The following CNST variants were observed in gnomAD, a reference collection of about 807,000 sequenced individuals.
CNST encodes consortin.
Under a neutral mutation model 72.4 loss-of-function variants are expected in CNST, and 39 were observed. That is an observed-to-expected ratio of 0.54 (90% confidence interval 0.42 to 0.70). CNST has a LOEUF of 0.70. Ranked by LOEUF, CNST falls within the 30% of genes least tolerant of loss-of-function variation. The pLI is 0.00. For synonymous variants in CNST, 332 were observed against 320.1 expected (o/e 1.04, Z -0.40); for missense variants, 871 against 868.5 (o/e 1.00, Z -0.04).
At chr1:246,595,613 CT>C (rs1489551639) in intron 2 of CNST, among the ~76,000 whole-genome samples, 1 of 152,110 alleles carries the variant, frequency 6.6e-6, no homozygotes, top group African/African-American at 2.4e-5. Flanking sequence ...CAGACGTGTA[CT>C]TTTCTAATAA....
intron 1 of CNST, among the ~76,000 whole-genome samples, chr1:246,572,018 A>G (rs1660097461): frequency 6.6e-6 from 1 of 152,128 alleles, no homozygotes; most frequent in Non-Finnish European, 1.5e-5. Flanking sequence ...TCAGTGAATT[A>G]GGTGACTGTG....
intron 1 of CNST, among the ~76,000 whole-genome samples, chr1:246,577,694 C>T (rs1372105971): frequency 6.6e-6 from 1 of 152,016 alleles, no homozygotes; most frequent in East Asian, 1.9e-4. Flanking sequence ...GTGAGGTGAA[C>T]CTTTCAAGTA....
chr1:246,659,670 G>A (rs1346822920), intron 9 of CNST, among the ~76,000 whole-genome samples: 1 of 152,064 alleles, frequency 6.6e-6, no homozygotes, highest in Non-Finnish European at 1.5e-5. Flanking sequence ...GTGAGCAGTA[G>A]AGCATTATTT....
rs1052966687 is a variant in CNST, at chr1:246,667,757, T to A, written c.*1852T>A. The A allele has an allele frequency of 1.8e-4, 28 of 151,620 alleles. No individual in the cohort carries two copies. The highest frequency in any genetic ancestry group is 6.8e-4 in the African/African-American group (28 of 40,876). 9.4% of individuals were successfully genotyped at this position (151,620 alleles called of 1,614,324 possible). On this transcript the variant is annotated 3_prime_UTR_variant, in exon 11 of 11. Coordinates refer to ENST00000366513, the MANE Select transcript of CNST (RefSeq NM_152609.3). ...TGGACATCCTCATCATAGACAAACC[T>A]CCTCTGTTTTATCCTCAATTTCTAG... is the stretch of plus-strand genomic sequence containing the variant.
chr1:246,571,185 C>T (rs12744338), intron 1 of CNST, among the ~76,000 whole-genome samples: 55,451 of 152,088 alleles, frequency 0.36, 10,821 homozygotes, highest in East Asian at 0.66. Context: ...CTTGCTCTGT[C>T]GCCCAGGGTG....
intron 1 of CNST, among the ~76,000 whole-genome samples, chr1:246,577,193 T>A (rs549477971): frequency 1.3e-5 from 2 of 152,150 alleles, no homozygotes; most frequent in African/African-American, 4.8e-5. Context: ...ATTAAAAATG[T>A]TCTTCAGAAC....
chr1:246,665,839 G>A lies in CNST; in HGVS notation c.2112G>A (p.Met704Ile). Residue 704 changes from methionine to isoleucine, a missense_variant, in exon 11 of 11, where the codon ATG becomes ATA. Coordinates refer to ENST00000366513, the MANE Select transcript of CNST (RefSeq NM_152609.3). ...SPVCTDFADN[M>I]DFYYTKLLQG... ...TTTGTACTGACTTTGCAGACAACAT[G>A]GACTTCTATTACACTAAGTTACTTC... is the stretch of plus-strand genomic sequence containing the variant. The A allele has an allele frequency of 2.5e-6, 4 of 1,614,014 alleles. 1 individual carries two copies. Among genetic ancestry groups the A allele is most frequent in the Non-Finnish European group, 3.4e-6 (4 of 1,179,960 alleles).
intron 8 of CNST, among the ~76,000 whole-genome samples, chr1:246,645,430 T>TTTA (rs74163471): frequency 7.3e-6 from 1 of 136,230 alleles, no homozygotes; most frequent in Admixed American, 7.1e-5. Flanking sequence ...AAAACTTTTT[T>TTTA]TTTTTTTTTT....
At chr1:246,631,279 T>C (rs1664760844) in intron 3 of CNST, among the ~76,000 whole-genome samples, 1 of 152,214 alleles carries the variant, frequency 6.6e-6, no homozygotes, top group African/African-American at 2.4e-5. Context: ...CTTTACCATA[T>C]GTAGCACTTT....
At chr1:246,652,998 T>A (rs953796787) in intron 9 of CNST, among the ~76,000 whole-genome samples, 3 of 149,622 alleles carry the variant, frequency 2.0e-5, no homozygotes, top group South Asian at 2.1e-4. Flanking sequence ...AGTGAGACTC[T>A]GTCTCAAAAA....
intron 1 of CNST, among the ~76,000 whole-genome samples, chr1:246,588,972 C>T (rs1661365968): frequency 6.6e-6 from 1 of 151,862 alleles, no homozygotes; most frequent in African/African-American, 2.4e-5. Flanking sequence ...AAATTGAGTC[C>T]CTCAATGTGT....
intron 1 of CNST, among the ~76,000 whole-genome samples, chr1:246,581,518 C>G (rs1332716718): frequency 6.6e-6 from 1 of 152,150 alleles, no homozygotes; most frequent in Non-Finnish European, 1.5e-5. Flanking sequence ...CCACCTTGGC[C>G]TCCCAAAGTG....
intron 9 of CNST, among the ~76,000 whole-genome samples, chr1:246,652,313 C>CA (rs1434190305): frequency 1.3e-5 from 2 of 152,278 alleles, no homozygotes; most frequent in South Asian, 2.1e-4. Context: ...CATGTAAACT[C>CA]AGAGTGCCAG....
At chr1:246,641,724 C>A (rs746293412) in intron 6 of CNST, 25 bp from the exon 7 acceptor site, 2 of 1,260,366 alleles carry the variant, frequency 1.6e-6, no homozygotes, top group Admixed American at 1.9e-5. Context: ...TTTTAAAATT[C>A]TTTTTTCTTT....
intron 1 of CNST, among the ~76,000 whole-genome samples, chr1:246,570,168 A>G (rs1659975944): frequency 1.3e-5 from 2 of 152,300 alleles, no homozygotes; most frequent in South Asian, 2.1e-4. Flanking sequence ...GGGGAATTTA[A>G]AAGGAAAGAT....
At chr1:246,619,410 T>G (rs1041047358) in intron 2 of CNST, among the ~76,000 whole-genome samples, 2 of 152,200 alleles carry the variant, frequency 1.3e-5, no homozygotes, top group East Asian at 3.8e-4. Flanking sequence ...TCACTGTAGG[T>G]GATTTTTTAA....
At chr1:246,612,247 A>G (rs1289986939) in intron 2 of CNST, among the ~76,000 whole-genome samples, 1 of 152,208 alleles carries the variant, frequency 6.6e-6, no homozygotes, top group Admixed American at 6.5e-5. Context: ...TGTTGCCCAG[A>G]CTAGAGTGCA....
intron 1 of CNST, among the ~76,000 whole-genome samples, chr1:246,569,205 A>G (rs1420287497): frequency 6.6e-6 from 1 of 152,206 alleles, no homozygotes; most frequent in East Asian, 1.9e-4. Flanking sequence ...GTAAAAAGAA[A>G]CAGGTAAAAT....
intron 1 of CNST, among the ~76,000 whole-genome samples, chr1:246,591,016 A>T (rs12729729): frequency 0.39 from 58,782 of 151,392 alleles, 11,820 homozygotes; most frequent in East Asian, 0.66. Flanking sequence ...ATTTTTTTTT[A>T]AAATCTTCAA....
Sources: gnomAD v4.1 joint callset for allele counts (sites outside exome capture counted in the v4.1 genomes callset) on GRCh38, gnomAD v4.1.1 for gene constraint, MANE v1.5 for transcripts, NCBI Gene and HGNC (gene_info 2026-07-23, HGNC 2026-07-21) for gene names.